The following AOPEP variants were observed in gnomAD, a reference collection of about 807,000 sequenced individuals.
AOPEP encodes the protein aminopeptidase O.
A neutral mutation model predicts 98.1 loss-of-function variants in AOPEP; 77 were observed. That is an observed-to-expected ratio of 0.78 (90% confidence interval 0.65 to 0.95). The LOEUF (loss-of-function observed/expected upper bound fraction) is 0.95. Ranked by LOEUF, AOPEP falls within the 40% of genes least tolerant of loss-of-function variation. The probability of loss-of-function intolerance (pLI) is 0.00; values close to 1 mark genes in which losing one functional copy is unlikely to be tolerated. For missense variants in AOPEP, 1,024 were observed against 1,024.7 expected (o/e 1.00, Z 0.01); for synonymous variants, 346 against 365.3 (o/e 0.95, Z 0.60).
In AOPEP at chr9:95,005,217, C is replaced by A; in HGVS notation, c.2037C>A (p.Ala679=). Reference sequence around the variant, plus strand: ...GCGGGCTTGCGCGGCAAGTGCGCGCCGAGGTGAGTGCGGGCGGCGCGGTCC... The same window carrying A: ...GCGGGCTTGCGCGGCAAGTGCGCGCAGAGGTGAGTGCGGGCGGCGCGGTCC... ...AECGLARQVR[A]EVTKWIGVNR... The change falls in exon 12 of 17, where the codon GCC becomes GCA. Residue 679 remains alanine (A), a synonymous_variant. Transcript: ENST00000375315. 1 of 1,114,470 alleles carries A rather than the reference C, an allele frequency of 9.0e-7. No individual in the cohort carries two copies. The highest frequency in any genetic ancestry group is 1.1e-6 in the Non-Finnish European group (1 of 912,930). The allele number at this position is 1,114,470 out of a possible 1,614,324, so 69.0% of individuals were successfully genotyped here.
At chr9:94,865,230 A>G (rs2045576423) in intron 5 of AOPEP, among the ~76,000 whole-genome samples, 4 of 152,230 alleles carry the variant, frequency 2.6e-5, no homozygotes, top group South Asian at 2.1e-4. Context: ...TGCTGACGAC[A>G]TATTTAAAAC....
intron 13 of AOPEP, among the ~76,000 whole-genome samples, chr9:95,036,938 A>G (rs1193935183): frequency 6.6e-6 from 1 of 152,082 alleles, no homozygotes; most frequent in African/African-American, 2.4e-5. Flanking sequence ...CATGGGATGG[A>G]TGCTCCCTGT....
At chr9:94,807,611 T>C (rs149162519) in intron 5 of AOPEP, among the ~76,000 whole-genome samples, 427 of 152,338 alleles carry the variant, frequency 2.8e-3, no homozygotes, top group Non-Finnish European at 4.6e-3. Context: ...CTTATTTCTT[T>C]ACCGAAGCAT....
chr9:94,790,993 C>T (rs972867557), intron 3 of AOPEP, among the ~76,000 whole-genome samples: 2 of 152,054 alleles, frequency 1.3e-5, no homozygotes, highest in African/African-American at 2.4e-5. Flanking sequence ...GAGAGATTTA[C>T]GCTAACAGAA....
At chr9:95,100,595 T>TACTG in the AOPEP span, 1 of 230,790 alleles carries the variant, frequency 4.3e-6, no homozygotes, top group Non-Finnish European at 8.6e-6. Flanking sequence ...AAGCACCCTG[T>TACTG]ACTGACATGA....
intron 5 of AOPEP, among the ~76,000 whole-genome samples, chr9:94,868,629 A>C (rs1171537703): frequency 1.3e-5 from 2 of 152,182 alleles, no homozygotes; most frequent in African/African-American, 4.8e-5. Flanking sequence ...GCGTAGGTCC[A>C]AAGATAACAT....
At chr9:95,107,414 A>G in the AOPEP span, 2 of 836,762 alleles carry the variant, frequency 2.4e-6, no homozygotes, top group Non-Finnish European at 3.9e-6. Context: ...GGCCGAATTT[A>G]CACTCGATTT....
chr9:95,035,958 A>G (rs1231645331), intron 13 of AOPEP, among the ~76,000 whole-genome samples: 1 of 152,094 alleles, frequency 6.6e-6, no homozygotes, highest in Non-Finnish European at 1.5e-5. Flanking sequence ...CTTTACCCAG[A>G]AAATAGGTCT....
At chr9:95,032,385 A>T (rs572755539) in intron 13 of AOPEP, among the ~76,000 whole-genome samples, 1 of 152,368 alleles carries the variant, frequency 6.6e-6, no homozygotes, top group East Asian at 1.9e-4. Flanking sequence ...AATGAAGCAG[A>T]TACTGCAGCA....
chr9:95,090,742 G>A (rs2070856105), downstream of AOPEP, among the ~76,000 whole-genome samples: 1 of 152,176 alleles, frequency 6.6e-6, no homozygotes, highest in Non-Finnish European at 1.5e-5. Flanking sequence ...CTGGACAAAG[G>A]CAAAAAGTGG....
chr9:94,967,962 C>A (rs72750344), intron 10 of AOPEP, among the ~76,000 whole-genome samples, 161 bp downstream of exon 10: 21,186 of 152,032 alleles, frequency 0.14, 3,879 homozygotes, highest in African/African-American at 0.42. Flanking sequence ...CATCAGCCAA[C>A]CTTTGGGATG....
At chr9:95,099,856 C>T in the AOPEP span, 5 of 233,228 alleles carry the variant, frequency 2.1e-5, no homozygotes, top group Admixed American at 1.1e-4. Context: ...CCTAGCTTCA[C>T]CAGTCCCAGG....
At chr9:95,150,202 T>TA in the AOPEP span, 20 of 1,017,904 alleles carry the variant, frequency 2.0e-5, 1 homozygote, top group Admixed American at 4.1e-4. Flanking sequence ...TGCCTCTAAA[T>TA]AAAGAGAATG....
At chr9:94,756,488 C>T (rs1047230803) in intron 1 of AOPEP, among the ~76,000 whole-genome samples, 6 of 152,026 alleles carry the variant, frequency 3.9e-5, no homozygotes, top group African/African-American at 1.5e-4. Flanking sequence ...CGCTTGAGCC[C>T]GCAACCCTAG....
intron 11 of AOPEP, among the ~76,000 whole-genome samples, chr9:94,987,619 G>C (rs2060604812): frequency 6.6e-6 from 1 of 152,198 alleles, no homozygotes; most frequent in African/African-American, 2.4e-5. Flanking sequence ...CCCAGCCCCT[G>C]CAACAATCTA....
At chr9:94,850,547 C>T (rs1305502434) in intron 5 of AOPEP, among the ~76,000 whole-genome samples, 1 of 152,154 alleles carries the variant, frequency 6.6e-6, no homozygotes, top group Non-Finnish European at 1.5e-5. Flanking sequence ...GACAAAAAAA[C>T]TGAAGCCCAT....
At chr9:95,086,611 A>T (rs2070736852) in intron 16 of AOPEP, 71 bp from the exon 17 acceptor site, 1 of 991,378 alleles carries the variant, frequency 1.0e-6, no homozygotes, top group Non-Finnish European at 1.2e-6. Context: ...GCAAAGGCAC[A>T]CAGAGGTGCG....
In AOPEP at chr9:94,848,517, G is replaced by A. The variant is rs546298733; in HGVS notation, c.1364+47515G>A. 2.0e-5 allele frequency among the ~76,000 whole-genome samples: 3 copies of A among 151,888 alleles called. No homozygotes were observed. The East Asian group carries it at 5.8e-4, about 30-fold the overall frequency. On this transcript the variant is annotated intron_variant, in intron 5 of 16. Coordinates refer to ENST00000375315, the MANE Select transcript of AOPEP (RefSeq NM_001193329.3). The stretch of plus-strand genomic sequence containing the variant: ...GCATGCTGTAGTCCCAGCTACTTGG[G>A]AGGCTGAAGCAGGAGAATCGCTTGA...
chr9:95,052,449 T>TC (rs1328072257), intron 13 of AOPEP, among the ~76,000 whole-genome samples: 1 of 152,234 alleles, frequency 6.6e-6, no homozygotes, highest in African/African-American at 2.4e-5. Flanking sequence ...CTGAGTTTTT[T>TC]CCCCATTTGC....
Sources: gnomAD v4.1 joint callset for allele counts (sites outside exome capture counted in the v4.1 genomes callset) on GRCh38, gnomAD v4.1.1 for gene constraint, MANE v1.5 for transcripts, NCBI Gene and HGNC (gene_info 2026-07-23, HGNC 2026-07-21) for gene names.